FAM13B: variants seen among roughly 807,000 people sequenced by gnomAD.
FAM13B encodes protein FAM13B.
Under a neutral mutation model 117.3 loss-of-function variants are expected in FAM13B, and 60 were observed. The observed-to-expected ratio is 0.51, with a 90% CI of 0.42 to 0.63. The LOEUF (loss-of-function observed/expected upper bound fraction) is 0.63. Among genes scored for constraint, FAM13B ranks in the 30% least tolerant of loss-of-function variants. FAM13B has a pLI of 0.00. For synonymous variants in FAM13B, 332 were observed against 356.1 expected (o/e 0.93, Z 0.76); for missense variants, 972 against 1,091.9 (o/e 0.89, Z 1.55).
chr5:137,978,027 A>C (rs1364321241), intron 10 of FAM13B, among the ~76,000 whole-genome samples: 1 of 152,054 alleles, frequency 6.6e-6, no homozygotes, highest in Admixed American at 6.6e-5. Context: ...GGACTGCATT[A>C]GCTTTAGTAA....
intron 10 of FAM13B, among the ~76,000 whole-genome samples, chr5:137,984,199 GATTATTTTCAGCTT>G (rs907755019): frequency 2.8e-4 from 42 of 152,244 alleles, no homozygotes; most frequent in Admixed American, 1.9e-3. Context: ...TTGGCATAAG[GATTATTTTCAGCTT>G]ATTATTTTCA....
chr5:137,996,059 A>C (rs1779780458), intron 7 of FAM13B, among the ~76,000 whole-genome samples: 1 of 152,222 alleles, frequency 6.6e-6, no homozygotes, highest in African/African-American at 2.4e-5. Flanking sequence ...ATACTACTAC[A>C]GTCCGCATAC....
At chr5:138,028,447 C>T (rs999398810) in intron 1 of FAM13B, among the ~76,000 whole-genome samples, 1 of 152,012 alleles carries the variant, frequency 6.6e-6, no homozygotes, top group Non-Finnish European at 1.5e-5. Flanking sequence ...AGATAGGTCC[C>T]CTGAGATTAA....
Position 137,941,168 on chromosome 5 carries a change from A to G in FAM13B, c.2690+776T>C, listed in dbSNP as rs553652954. ...CGTGATCCACCCGCCTCAGCCTCCC[A>G]AAGTGCTGGTATTACAGACGTGAGC... On this transcript the variant is annotated intron_variant, in intron 23 of 23. Transcript: ENST00000689681. Among the ~76,000 whole-genome samples, 303 of 152,192 alleles carry G rather than the reference A, an allele frequency of 2.0e-3. 1 individual carries two copies. Among genetic ancestry groups the G allele is most frequent in the African/African-American group, 7.2e-3 (300 of 41,520 alleles).
chr5:138,047,945 A>G (rs1304627668), intron 1 of FAM13B, among the ~76,000 whole-genome samples: 5 of 152,240 alleles, frequency 3.3e-5, no homozygotes, highest in African/African-American at 1.2e-4. Context: ...TGTTTTTAAA[A>G]AATTTTAAAT....
chr5:137,956,554 GA>G lies in FAM13B; in HGVS notation c.1442-13del. 1 of 1,576,884 alleles carries G rather than the reference GA, an allele frequency of 6.3e-7. No homozygotes were observed. Among genetic ancestry groups the G allele is most frequent in the South Asian group, 1.2e-5 (1 of 85,202 alleles). On this transcript the variant is annotated splice_polypyrimidine_tract_variant and intron_variant, in intron 13 of 23. Transcript: ENST00000689681. The stretch of plus-strand genomic sequence containing the variant: ...GATAGGGCATGACGCTAATAAAATG[GA>G]AAAAATGGCAAAAAATACTAAAGTG...
Position 137,954,285 on chromosome 5 carries a change from G to C in FAM13B, c.1599C>G (p.Pro533=). The change falls in exon 15 of 24, where the codon CCC becomes CCG. Residue 533 remains proline (P), a synonymous_variant. Transcript: ENST00000689681. ...ATACTGGAGGACAGTCCTCTTCCAAGGGGTGATGATTCATTCTTCCAGCTT... is the reference window on the plus strand; with the variant it reads ...ATACTGGAGGACAGTCCTCTTCCAACGGGTGATGATTCATTCTTCCAGCTT... ...SPQAGRMNHH[P]LEEDCPPVLS... 6.2e-7 allele frequency: 1 copy of C among 1,614,008 alleles called. No homozygotes were observed. Among genetic ancestry groups the C allele is most frequent in the Non-Finnish European group, 8.5e-7 (1 of 1,180,000 alleles).
intron 7 of FAM13B, among the ~76,000 whole-genome samples, chr5:137,997,226 T>C (rs1780085186): frequency 6.6e-6 from 1 of 152,064 alleles, no homozygotes; most frequent in Admixed American, 6.6e-5. Flanking sequence ...TCCCAGCACT[T>C]TGGGAGGCCG....
intron 21 of FAM13B, 30 bp downstream of exon 21, chr5:137,943,103 G>A: frequency 6.2e-7 from 1 of 1,612,516 alleles, no homozygotes; most frequent in Non-Finnish European, 8.5e-7. Context: ...TTAGGGAAGG[G>A]ATCAGATAAT....
chr5:138,034,995 C>CTTTTTTTTTTTTTTTTTTTTTTTTTT (rs557807234), upstream of FAM13B, among the ~76,000 whole-genome samples: 15 of 34,378 alleles, frequency 4.4e-4, 6 homozygotes, highest in East Asian at 2.9e-3. Context: ...ATTCCCTTGC[C>CTTTTTTTTTTTTTTTTTTTTTTTTTT]TTTTTTTTTT....
chr5:137,964,521 G>C (rs1403460584), intron 10 of FAM13B, among the ~76,000 whole-genome samples: 1 of 149,832 alleles, frequency 6.7e-6, no homozygotes, highest in Non-Finnish European at 1.5e-5. Flanking sequence ...AGGAGTTTGA[G>C]ACCAGCCTGG....
In FAM13B at chr5:138,018,355, G is replaced by A; in HGVS notation, c.317C>T (p.Pro106Leu). The A allele has an allele frequency of 6.2e-7, 1 of 1,614,134 alleles. No homozygotes were observed. Among genetic ancestry groups the A allele is most frequent in the Non-Finnish European group, 8.5e-7 (1 of 1,180,006 alleles). Reference protein sequence around the residue: ...SLLRFFLQELPEPVIPGSLHI... With the variant: ...SLLRFFLQELLEPVIPGSLHI... ...TAAACTGCCAGGGATAACAGGTTCAGGAAGTTCTTGAAGAAAAAATCTAAG... is the reference window on the plus strand; with the variant it reads ...TAAACTGCCAGGGATAACAGGTTCAAGAAGTTCTTGAAGAAAAAATCTAAG... Residue 106 changes from proline to leucine, a missense_variant, in exon 4 of 24, where the codon CCT becomes CTT. Coordinates refer to ENST00000689681, the MANE Select transcript of FAM13B (RefSeq NM_001385994.1).
Position 138,019,053 on chromosome 5 carries a change from A to G in FAM13B, c.59T>C (p.Ile20Thr), listed in dbSNP as rs139664427. The stretch of plus-strand genomic sequence containing the variant: ...CAGCTCATCAAGTGGAATTCCAAAT[A>G]TTTTGTTAGCAAGAACGGAGTTGCA... ...SNCNSVLANK[I>T]FGIPLDELQQ... The change falls in exon 3 of 24, where the codon ATA (isoleucine) becomes ACA (threonine). Residue 20 changes from isoleucine to threonine, a missense_variant. Transcript: ENST00000689681. The G allele has an allele frequency of 1.1e-5, 17 of 1,613,906 alleles. No homozygotes were observed. In the African/African-American group the frequency reaches 1.5e-4, roughly 14 times the overall value.
rs761980022 is a variant in FAM13B, at chr5:137,940,303, T to G, written c.2736A>C (p.Arg912Ser). 6.2e-7 allele frequency: 1 copy of G among 1,609,358 alleles called. No homozygotes were observed. The highest frequency in any genetic ancestry group is 1.3e-5 in the African/African-American group (1 of 74,810). Reference sequence around the variant, plus strand: ...GCTTGGCTTTAATTTTCTTGTACTCTCTGTACTCCTCAAGCACTGGAACAC... The same window carrying G: ...GCTTGGCTTTAATTTTCTTGTACTCGCTGTACTCCTCAAGCACTGGAACAC... ...EDRVPVLEEYREYKKIKAKLR... is the reference protein window; with the variant it reads ...EDRVPVLEEYSEYKKIKAKLR... The change falls in exon 24 of 24, where the codon AGA (arginine) becomes AGC (serine). Residue 912 changes from arginine to serine, a missense_variant. By Grantham distance (110) the Arg-to-Ser change is moderately radical. Transcript: ENST00000689681.
chr5:138,040,412 A>G (rs549558230), intron 1 of FAM13B, among the ~76,000 whole-genome samples: 2 of 151,798 alleles, frequency 1.3e-5, no homozygotes, highest in East Asian at 3.9e-4. Flanking sequence ...TACTAAAAAT[A>G]TTAAAAAAAA....
At chr5:137,964,659 T>C (rs2150327084) in intron 10 of FAM13B, among the ~76,000 whole-genome samples, 1 of 152,116 alleles carries the variant, frequency 6.6e-6, no homozygotes, top group South Asian at 2.1e-4. Flanking sequence ...AAGCAAAGGC[T>C]GCAGTGAGCC....
intron 12 of FAM13B, 138 bp downstream of exon 12, chr5:137,960,028 T>C: frequency 1.4e-6 from 1 of 691,372 alleles, no homozygotes; most frequent in Non-Finnish European, 2.5e-6. Flanking sequence ...CAAATTAAGT[T>C]GCTGTTTAAC....
At chr5:137,946,700 T>C (rs1394875566) in intron 18 of FAM13B, among the ~76,000 whole-genome samples, 1 of 152,264 alleles carries the variant, frequency 6.6e-6, no homozygotes, top group East Asian at 1.9e-4. Context: ...TTTGCAACAC[T>C]GCCTACCTAG....
At chr5:138,036,493 G>A (rs760841025), upstream of FAM13B, 15 of 456,594 alleles carry the variant, frequency 3.3e-5, 1 homozygote, top group South Asian at 2.3e-4. Flanking sequence ...GACTGCAGGA[G>A]GTACAAGTCA....
Sources: allele counts gnomAD v4.1 joint callset (sites outside exome capture counted in the v4.1 genomes callset), GRCh38; gene constraint gnomAD v4.1.1; transcripts MANE v1.5; gene names NCBI Gene and HGNC (gene_info 2026-07-23, HGNC 2026-07-21).